Variants in SPAG16 observed in about 807,000 individuals in gnomAD.
SPAG16 encodes sperm associated antigen 16.
Under a neutral mutation model 80.4 loss-of-function variants are expected in SPAG16, and 86 were observed. The ratio of observed to expected loss-of-function variants is 1.07; its 90% confidence interval spans 0.90 to 1.28. The LOEUF is 1.28. Among genes scored for constraint, SPAG16 ranks in the 50% most tolerant of loss-of-function variants. The pLI is 0.00. For synonymous variants in SPAG16, 294 were observed against 265.9 expected (o/e 1.11, Z -1.03); for missense variants, 870 against 765.3 (o/e 1.14, Z -1.61).
At chr2:214,068,147 T>C (rs184110853) in intron 13 of SPAG16, among the ~76,000 whole-genome samples, 137 of 152,220 alleles carry the variant, frequency 9.0e-4, no homozygotes, top group Non-Finnish European at 1.3e-3. Flanking sequence ...TGTCTATCAA[T>C]CAGTTCTTAA....
intron 11 of SPAG16, among the ~76,000 whole-genome samples, chr2:213,896,951 T>A (rs1270782596): frequency 6.6e-6 from 1 of 151,988 alleles, no homozygotes; most frequent in Non-Finnish European, 1.5e-5. Flanking sequence ...GAGAAGTTGA[T>A]TAATGGGTAC....
chr2:213,590,839 C>G (rs1438017357), intron 10 of SPAG16, among the ~76,000 whole-genome samples: 1 of 152,128 alleles, frequency 6.6e-6, no homozygotes, highest in Non-Finnish European at 1.5e-5. Context: ...ACCAAAAAGA[C>G]ACCTACACTC....
chr2:213,973,275 T>C (rs1025208892), intron 12 of SPAG16, among the ~76,000 whole-genome samples: 13 of 152,098 alleles, frequency 8.5e-5, no homozygotes, highest in African/African-American at 3.1e-4. Context: ...TCTCCCAAGA[T>C]TTAGGCAGTC....
chr2:214,257,923 C>T (rs1033399175), intron 15 of SPAG16, among the ~76,000 whole-genome samples: 1 of 151,902 alleles, frequency 6.6e-6, no homozygotes, highest in African/African-American at 2.4e-5. Context: ...ACTACTGAAA[C>T]CATATGGGCG....
At chr2:214,241,324 C>CTCCA (rs1380249998) in intron 15 of SPAG16, 1 of 148,662 alleles carries the variant, frequency 6.7e-6, no homozygotes, top group Non-Finnish European at 1.5e-5. Flanking sequence ...CGCCACTGCA[C>CTCCA]TCCAGCCTGG....
intron 9 of SPAG16, among the ~76,000 whole-genome samples, chr2:213,446,923 C>T (rs2071355764): frequency 6.6e-6 from 1 of 152,164 alleles, no homozygotes; most frequent in Non-Finnish European, 1.5e-5. Flanking sequence ...GGAATGGGGA[C>T]ATTTGGTCTC....
intron 8 of SPAG16, among the ~76,000 whole-genome samples, chr2:213,372,011 A>G (rs2066666953): frequency 6.6e-6 from 1 of 152,142 alleles, no homozygotes; most frequent in African/African-American, 2.4e-5. Flanking sequence ...TATTGAGTAG[A>G]TATTTAAACT....
chr2:214,219,987 A>G (rs1391176138), intron 15 of SPAG16, among the ~76,000 whole-genome samples: 1 of 152,034 alleles, frequency 6.6e-6, no homozygotes, highest in Non-Finnish European at 1.5e-5. Flanking sequence ...GATACATTAC[A>G]TTTTGATTAT....
chr2:214,101,061 C>T (rs544744922), intron 13 of SPAG16, among the ~76,000 whole-genome samples: 1 of 151,960 alleles, frequency 6.6e-6, no homozygotes, highest in Non-Finnish European at 1.5e-5. Flanking sequence ...TGCTTGGCTA[C>T]TTATTTTATG....
chr2:213,376,322 T>C (rs1413085892), intron 9 of SPAG16, among the ~76,000 whole-genome samples: 1 of 152,020 alleles, frequency 6.6e-6, no homozygotes, highest in Non-Finnish European at 1.5e-5. Context: ...TATAAGAGTT[T>C]AGATTAATAA....
At chr2:213,640,163 T>C (rs765571928) in intron 10 of SPAG16, among the ~76,000 whole-genome samples, 20 of 152,156 alleles carry the variant, frequency 1.3e-4, no homozygotes, top group Non-Finnish European at 2.6e-4. Context: ...GTTTTGGTTG[T>C]TTTAATTTAA....
chr2:213,658,192 T>G (rs552407886), intron 10 of SPAG16, among the ~76,000 whole-genome samples: 1 of 151,246 alleles, frequency 6.6e-6, no homozygotes, highest in Non-Finnish European at 1.5e-5. Flanking sequence ...ACAAGCCTAC[T>G]CCAGTCTCAT....
chr2:213,737,739 C>T (rs1336535063), intron 10 of SPAG16, among the ~76,000 whole-genome samples: 1 of 152,104 alleles, frequency 6.6e-6, no homozygotes, highest in Admixed American at 6.5e-5. Flanking sequence ...CAGCCCGCCT[C>T]GGCCTCCCAA....
At chr2:213,406,936 TAAA>T (rs60707204) in intron 9 of SPAG16, among the ~76,000 whole-genome samples, 53 of 122,414 alleles carry the variant, frequency 4.3e-4, no homozygotes, top group South Asian at 5.4e-4. Context: ...GACGCGGATT[TAAA>T]AAAAAAAAAA....
At chr2:213,785,065 C>T (rs913806050) in intron 10 of SPAG16, among the ~76,000 whole-genome samples, 1 of 152,044 alleles carries the variant, frequency 6.6e-6, no homozygotes, top group Non-Finnish European at 1.5e-5. Flanking sequence ...CTATACCTCT[C>T]ATATAAAATT....
intron 13 of SPAG16, among the ~76,000 whole-genome samples, chr2:214,035,664 G>T (rs2048657616): frequency 1.3e-5 from 2 of 152,196 alleles, no homozygotes; most frequent in South Asian, 4.1e-4. Context: ...GAGCCCCTGG[G>T]GGCGGGGGTC....
chr2:214,161,951 G>A (rs778903641), intron 15 of SPAG16, among the ~76,000 whole-genome samples: 22 of 152,036 alleles, frequency 1.4e-4, no homozygotes, highest in South Asian at 6.2e-4. Context: ...TATCAACCCT[G>A]CTGTTAGGTC....
chr2:214,087,990 A>G (rs1313906168), intron 13 of SPAG16, among the ~76,000 whole-genome samples: 1 of 152,196 alleles, frequency 6.6e-6, no homozygotes, highest in Non-Finnish European at 1.5e-5. Flanking sequence ...TTTACTTTAA[A>G]AGACCTGATA....
At chr2:214,014,730 A>G (rs944468478) in intron 13 of SPAG16, among the ~76,000 whole-genome samples, 5 of 152,222 alleles carry the variant, frequency 3.3e-5, no homozygotes, top group African/African-American at 4.8e-5. Context: ...CAGAGACAAA[A>G]CAAGATCATG....
Sources: allele counts gnomAD v4.1 joint callset (sites outside exome capture counted in the v4.1 genomes callset), GRCh38; gene constraint gnomAD v4.1.1; transcripts MANE v1.5; gene names NCBI Gene and HGNC (gene_info 2026-07-23, HGNC 2026-07-21).